The following UNC5A variants were observed in gnomAD, a reference collection of about 807,000 sequenced individuals.
UNC5A encodes netrin receptor UNC5A.
UNC5A carries 20 observed loss-of-function variants against 87.4 expected under a neutral mutation model. The observed-to-expected ratio is 0.23, with a 90% CI of 0.16 to 0.33. The LOEUF is 0.33. Ranked by LOEUF, UNC5A falls within the 10% of genes least tolerant of loss-of-function variation. UNC5A has a pLI of 1.00. For missense variants in UNC5A, 844 were observed against 1,133.4 expected (o/e 0.74, Z 3.67); for synonymous variants, 438 against 482.3 (o/e 0.91, Z 1.20).
intron 2 of UNC5A, among the ~76,000 whole-genome samples, chr5:176,867,241 G>C (rs1288535242): frequency 6.6e-6 from 1 of 152,152 alleles, no homozygotes; most frequent in Non-Finnish European, 1.5e-5. Flanking sequence ...GCTGGTTTTG[G>C]CTACAGACGG....
intron 1 of UNC5A, among the ~76,000 whole-genome samples, chr5:176,847,475 C>T (rs1757438430): frequency 6.6e-6 from 1 of 151,950 alleles, no homozygotes; most frequent in Non-Finnish European, 1.5e-5. Flanking sequence ...TAAATTTTCT[C>T]ATTAATATAC....
chr5:176,861,510 G>A (rs982366432), intron 1 of UNC5A, among the ~76,000 whole-genome samples: 1 of 152,218 alleles, frequency 6.6e-6, no homozygotes, highest in Non-Finnish European at 1.5e-5. Context: ...AAGCAGGAGC[G>A]AAAGGGGCAG....
intron 1 of UNC5A, among the ~76,000 whole-genome samples, chr5:176,812,637 G>T (rs1756487400): frequency 6.6e-6 from 1 of 152,160 alleles, no homozygotes; most frequent in African/African-American, 2.4e-5. Flanking sequence ...GGCTGTGGGG[G>T]TGGGGAAACT....
At chr5:176,856,453 G>A (rs899406815) in intron 1 of UNC5A, among the ~76,000 whole-genome samples, 2 of 151,902 alleles carry the variant, frequency 1.3e-5, no homozygotes, top group African/African-American at 2.4e-5. Context: ...AAAAGCGGTG[G>A]TCATTCAGTC....
chr5:176,859,780 AGGGC>A lies in UNC5A; in HGVS notation c.71-2843_71-2840del, dbSNP rs1757786385. Among the ~76,000 whole-genome samples, 3 of 69,968 alleles carry A rather than the reference AGGGC, an allele frequency of 4.3e-5. No individual in the cohort carries two copies. The South Asian group carries it at 1.7e-3, about 39-fold the overall frequency. 45.9% of individuals were successfully genotyped at this position (69,968 alleles called of 152,430 possible). A position where few individuals can be genotyped will look rare whatever the true frequency, so the allele number is the denominator to read the frequency against. Reference sequence around the variant, plus strand: ...ATAGCTGCTAGAATGTCCTTGCTAGAGGGCATAGCTGCTAGAATGTCCTTGCTAG... The same window carrying A: ...ATAGCTGCTAGAATGTCCTTGCTAGAATAGCTGCTAGAATGTCCTTGCTAG... On this transcript the variant is annotated intron_variant, in intron 1 of 14. Transcript: ENST00000329542.
intron 1 of UNC5A, among the ~76,000 whole-genome samples, chr5:176,829,022 G>GA (rs1756922130): frequency 6.6e-6 from 1 of 152,100 alleles, no homozygotes; most frequent in South Asian, 2.1e-4. Flanking sequence ...AGCCACTCAG[G>GA]AGGCTGAGGC....
At chr5:176,845,882 A>C (rs1251951494) in intron 1 of UNC5A, among the ~76,000 whole-genome samples, 1 of 152,238 alleles carries the variant, frequency 6.6e-6, no homozygotes, top group African/African-American at 2.4e-5. Flanking sequence ...GGCAGAGGGA[A>C]CAGTAGATGC....
chr5:176,813,890 G>A (rs1346535276), intron 1 of UNC5A, among the ~76,000 whole-genome samples: 2 of 152,190 alleles, frequency 1.3e-5, no homozygotes, highest in Non-Finnish European at 2.9e-5. Context: ...CCACGCATAT[G>A]CATGCGGGGC....
At chr5:176,879,661 G>C (rs1758368695) in intron 14 of UNC5A, 60 bp from the exon 15 acceptor site, 11 of 1,593,144 alleles carry the variant, frequency 6.9e-6, no homozygotes, top group Non-Finnish European at 9.4e-6. Context: ...GGGCCAGGGG[G>C]GGCAGGAGGT....
intron 1 of UNC5A, among the ~76,000 whole-genome samples, chr5:176,822,773 A>G (rs2113590762): frequency 6.6e-6 from 1 of 152,304 alleles, no homozygotes; most frequent in East Asian, 1.9e-4. Flanking sequence ...GGACCTTGGC[A>G]TGTGGTGGGA....
intron 1 of UNC5A, among the ~76,000 whole-genome samples, chr5:176,857,712 C>T (rs1000144): frequency 0.89 from 134,861 of 152,204 alleles, 60,021 homozygotes; most frequent in Non-Finnish European, 0.91. Context: ...TGGGGCTCAC[C>T]GCAAATGGGG....
chr5:176,879,955 C>A lies in UNC5A; in HGVS notation c.*69C>A, dbSNP rs1581284783. 5.2e-6 allele frequency: 8 copies of A among 1,526,830 alleles called. No homozygotes were observed. 94.6% of individuals were successfully genotyped at this position (1,526,830 alleles called of 1,614,324 possible). ...CCACCAAGGACAGGCAGAAGCCGGA[C>A]AGGGGCCCTTCCCCACACCGGGGAG... On this transcript the variant is annotated 3_prime_UTR_variant, in exon 15 of 15. Coordinates refer to ENST00000329542, the MANE Select transcript of UNC5A (RefSeq NM_133369.3).
intron 5 of UNC5A, 24 bp from the exon 6 acceptor site, chr5:176,870,346 C>T (rs1453434496): frequency 1.9e-6 from 3 of 1,609,402 alleles, no homozygotes; most frequent in Admixed American, 1.7e-5. Context: ...CGCACCGTCT[C>T]CTCTCTGCTT....
intron 1 of UNC5A, among the ~76,000 whole-genome samples, chr5:176,840,191 C>T (rs1757242543): frequency 6.6e-6 from 1 of 152,176 alleles, no homozygotes; most frequent in Non-Finnish European, 1.5e-5. Context: ...TCACGCCTTG[C>T]TGGCGTTGGC....
chr5:176,862,923 C>T, intron 2 of UNC5A, 78 bp downstream of exon 2: 1 of 1,523,986 alleles, frequency 6.6e-7, no homozygotes, highest in Non-Finnish European at 9.0e-7. Flanking sequence ...CTGCAGCTGC[C>T]CCCAGGATTC....
Position 176,866,916 on chromosome 5 carries a change from G to A in UNC5A, c.293-1214G>A, listed in dbSNP as rs558335909. Among the ~76,000 whole-genome samples the A allele has an allele frequency of 7.9e-5, 12 of 152,318 alleles. No individual in the cohort carries two copies. The East Asian group carries it at 1.4e-3, about 17-fold the overall frequency. On this transcript the variant is annotated intron_variant, in intron 2 of 14. Coordinates refer to ENST00000329542, the MANE Select transcript of UNC5A (RefSeq NM_133369.3). The surrounding 1 kb of genome is among the most constrained non-coding windows in gnomAD (Gnocchi z 5.0). ...CTGCCATCTCCTATGATAGCTGGCCGGCGACAGGGACAAAGTGATAGAAAA... is the reference window on the plus strand; with the variant it reads ...CTGCCATCTCCTATGATAGCTGGCCAGCGACAGGGACAAAGTGATAGAAAA...
chr5:176,820,358 C>G (rs1008625287), intron 1 of UNC5A, among the ~76,000 whole-genome samples: 3 of 151,880 alleles, frequency 2.0e-5, no homozygotes, highest in African/African-American at 7.3e-5. Context: ...GATTGCACCA[C>G]TGTACTCCAG....
At position 176,839,612 on chromosome 5, in the gene UNC5A, A is replaced by G. The variant is rs190126176; in HGVS notation, c.71-23012A>G. The stretch of plus-strand genomic sequence containing the variant: ...GGTTGGACTTCCCTGGTTTGTGGGT[A>G]AGATCCTTGCCCCTGAAACTGCCCT... On this transcript the variant is annotated intron_variant, in intron 1 of 14. Transcript: ENST00000329542. Among the ~76,000 whole-genome samples the G allele has an allele frequency of 1.7e-4, 26 of 152,312 alleles. No homozygotes were observed. In the Middle Eastern group the frequency reaches 0.014, roughly 80 times the overall value.
Position 176,877,966 on chromosome 5 carries a change from G to A in UNC5A, c.1708G>A (p.Val570Ile), listed in dbSNP as rs61736275. 13,017 of 1,604,680 alleles carry A rather than the reference G, an allele frequency of 8.1e-3. 225 individuals carry two copies. Among genetic ancestry groups the A allele is most frequent in the African/African-American group, 0.064 (4,823 of 75,044 alleles). The change falls in exon 11 of 15, where the codon GTC becomes ATC. Residue 570 changes from valine (V) to isoleucine (I), a missense_variant. Physicochemically the swap from Val to Ile is conservative, Grantham distance 29. Coordinates refer to ENST00000329542, the MANE Select transcript of UNC5A (RefSeq NM_133369.3). ...CCAGCTGGAGGCCAGTGCCTGCTAC[G>A]TCTTCACCGAGCAGCTGGGCCGCTT... ...YCQLEASACYVFTEQLGRFAL... is the reference protein window; with the variant it reads ...YCQLEASACYIFTEQLGRFAL...
Sources: allele counts gnomAD v4.1 joint callset (sites outside exome capture counted in the v4.1 genomes callset), GRCh38; gene constraint gnomAD v4.1.1; non-coding constraint Gnocchi (gnomAD v3.1); transcripts MANE v1.5; gene names NCBI Gene and HGNC (gene_info 2026-07-23, HGNC 2026-07-21).